The following TLL1 variants were observed in gnomAD, a reference collection of about 807,000 sequenced individuals.
TLL1 encodes tolloid like 1, also known as tolloid-like protein 1.
A neutral mutation model predicts 128.2 loss-of-function variants in TLL1; 49 were observed. That is an observed-to-expected ratio of 0.38 (90% CI 0.30 to 0.48). The LOEUF is 0.48. TLL1 is among the 20% of genes least tolerant of loss of function. The pLI, the probability that TLL1 is intolerant of heterozygous loss-of-function variation, is 0.96. For missense variants in TLL1, 1,123 were observed against 1,242.0 expected (o/e 0.90, Z 1.44); for synonymous variants, 454 against 418.8 (o/e 1.08, Z -1.03).
chr4:166,100,670 T>C, intron 20 of TLL1, 72 bp from the exon 21 acceptor site: 1 of 1,585,006 alleles, frequency 6.3e-7, no homozygotes, highest in Non-Finnish European at 8.7e-7. Flanking sequence ...TTCCCAAACA[T>C]GCGTTACACT....
At chr4:165,975,342 CCCAACCCCTCT>C (rs1396266637) in intron 1 of TLL1, among the ~76,000 whole-genome samples, 1 of 151,982 alleles carries the variant, frequency 6.6e-6, no homozygotes, top group Non-Finnish European at 1.5e-5. Context: ...CCCCACGCCA[CCCAACCCCTCT>C]CCATATTTAT....
chr4:165,971,185 G>C (rs182156230), intron 1 of TLL1, among the ~76,000 whole-genome samples: 67 of 152,280 alleles, frequency 4.4e-4, no homozygotes, highest in African/African-American at 1.4e-3. Flanking sequence ...GGGTTCCCCC[G>C]CTAAGATTAT....
Position 165,985,803 on chromosome 4 carries a change from G to A in TLL1, c.170-3578G>A, listed in dbSNP as rs78901016. The stretch of plus-strand genomic sequence containing the variant: ...GTCTCTGATTAAAAAAATGTTTGTT[G>A]TGCATTAACGGCAAATAACCTTTAG... On this transcript the variant is annotated intron_variant, in intron 1 of 20. Transcript: ENST00000061240. 9.1e-3 allele frequency among the ~76,000 whole-genome samples: 1,377 copies of A among 152,044 alleles called. 29 individuals are homozygous for A. Among genetic ancestry groups the A allele is most frequent in the African/African-American group, 0.031 (1,281 of 41,522 alleles).
rs116112478 is a variant in TLL1 at position 165,969,039 on chromosome 4, G to A, written c.170-20342G>A. On this transcript the variant is annotated intron_variant, in intron 1 of 20. Transcript: ENST00000061240. ...CTTTGCGTTTAGCAAAACCCAAAAC[G>A]TATTTTGAAAACTTCTTTCTCCCTT... 5.5e-3 allele frequency among the ~76,000 whole-genome samples: 836 copies of A among 152,236 alleles called. 7 individuals carry two copies. The highest frequency in any genetic ancestry group is 0.019 in the African/African-American group (804 of 41,580).
chr4:165,921,196 G>C (rs772388759), intron 1 of TLL1, among the ~76,000 whole-genome samples: 2 of 152,144 alleles, frequency 1.3e-5, no homozygotes, highest in Non-Finnish European at 2.9e-5. Flanking sequence ...AAAGTGCCTT[G>C]CTAAGTATAA....
At chr4:165,928,586 C>T (rs894441373) in intron 1 of TLL1, among the ~76,000 whole-genome samples, 10 of 152,230 alleles carry the variant, frequency 6.6e-5, no homozygotes, top group African/African-American at 1.9e-4. Context: ...AAGCTTCTGT[C>T]TGTCTCGAAC....
intron 1 of TLL1, among the ~76,000 whole-genome samples, chr4:165,919,284 G>A (rs1732922559): frequency 6.6e-6 from 1 of 150,460 alleles, no homozygotes; most frequent in Admixed American, 6.7e-5. Flanking sequence ...TTGGGAGGCT[G>A]AAGCAGGAGG....
intron 9 of TLL1, among the ~76,000 whole-genome samples, chr4:166,026,449 G>A (rs1330551608): frequency 6.6e-6 from 1 of 152,192 alleles, no homozygotes; most frequent in African/African-American, 2.4e-5. Flanking sequence ...CACTTTGGGA[G>A]GCTGAGGAGG....
At chr4:165,933,113 CTTTG>C (rs1464669481) in intron 1 of TLL1, among the ~76,000 whole-genome samples, 2 of 152,170 alleles carry the variant, frequency 1.3e-5, no homozygotes, top group Non-Finnish European at 2.9e-5. Flanking sequence ...TTCAAGCCTA[CTTTG>C]TTTGCTGCTG....
At chr4:165,970,631 C>G (rs187819933) in intron 1 of TLL1, among the ~76,000 whole-genome samples, 2 of 151,960 alleles carry the variant, frequency 1.3e-5, no homozygotes, top group African/African-American at 4.8e-5. Flanking sequence ...CTTTTTTAAC[C>G]TATTCAAATT....
intron 8 of TLL1, among the ~76,000 whole-genome samples, chr4:166,016,990 T>A (rs1310956311): frequency 4.0e-5 from 6 of 151,750 alleles, no homozygotes; most frequent in Non-Finnish European, 8.8e-5. Flanking sequence ...TACGTGGGAA[T>A]GTTGTGTGAT....
intron 1 of TLL1, among the ~76,000 whole-genome samples, chr4:165,928,324 G>A (rs1733362208): frequency 6.6e-6 from 1 of 152,086 alleles, no homozygotes. Flanking sequence ...GGAGACGGCA[G>A]GCATGTAAAC....
At chr4:166,052,982 T>TATATATATATATATATATA (rs1553965120) in intron 12 of TLL1, among the ~76,000 whole-genome samples, 6 of 145,430 alleles carry the variant, frequency 4.1e-5, no homozygotes, top group African/African-American at 1.5e-4. Context: ...TATATATATA[T>TATATATATATATATATATA]TTGGCCAAAT....
chr4:166,073,418 T>C (rs1740879300), intron 16 of TLL1, among the ~76,000 whole-genome samples: 1 of 152,202 alleles, frequency 6.6e-6, no homozygotes, highest in Non-Finnish European at 1.5e-5. Flanking sequence ...TCTAATTTTC[T>C]ATTAACTCCT....
At chr4:165,968,351 CTGCT>C (rs1735485082) in intron 1 of TLL1, among the ~76,000 whole-genome samples, 2 of 152,176 alleles carry the variant, frequency 1.3e-5, no homozygotes, top group African/African-American at 2.4e-5. Flanking sequence ...AGTAAACAAA[CTGCT>C]TGTTGTCCAA....
chr4:165,962,565 A>G (rs1735161921), intron 1 of TLL1, among the ~76,000 whole-genome samples: 1 of 152,176 alleles, frequency 6.6e-6, no homozygotes, highest in Admixed American at 6.5e-5. Flanking sequence ...CACTCTTATT[A>G]CTGGGTATAT....
chr4:165,890,472 G>T (rs1731349026), intron 1 of TLL1, among the ~76,000 whole-genome samples: 1 of 152,226 alleles, frequency 6.6e-6, no homozygotes, highest in African/African-American at 2.4e-5. Flanking sequence ...TAAATATGGT[G>T]AGGGCTCAGG....
In TLL1 at chr4:166,096,121, T is replaced by A. The variant is rs549231243; in HGVS notation, c.2657-3156T>A. ...TAGGTTGGTGCAACAGTAATTACAG[T>A]TTAATAAAATCACACCTCTTTTGCA... On this transcript the variant is annotated intron_variant, in intron 19 of 20. Transcript: ENST00000061240. 3.3e-5 allele frequency among the ~76,000 whole-genome samples: 5 copies of A among 152,118 alleles called. No individual in the cohort carries two copies. The South Asian group carries it at 1.0e-3, about 32-fold the overall frequency.
rs1560998943 is a variant in TLL1, at chr4:165,873,935, C to T, written c.31C>T (p.Leu11Phe). 6.2e-7 allele frequency: 1 copy of T among 1,614,134 alleles called. No homozygotes were observed. Among genetic ancestry groups the T allele is most frequent in the Non-Finnish European group, 8.5e-7 (1 of 1,180,014 alleles). The change falls in exon 1 of 21, where the codon CTC (leucine) becomes TTC (phenylalanine). Residue 11 changes from leucine (L) to phenylalanine (F), a missense_variant. By Grantham distance (22) the Leu-to-Phe change is conservative. Coordinates refer to ENST00000061240, the MANE Select transcript of TLL1 (RefSeq NM_012464.5). The part of the protein sequence containing the change: MGLGTLSPRM[L>F]VWLVASGIVF... ...GTTGGGAACGCTTTCCCCGAGGATG[C>T]TCGTGTGGCTGGTGGCCTCGGGGAT...
Sources: gnomAD v4.1 joint callset for allele counts (sites outside exome capture counted in the v4.1 genomes callset) on GRCh38, gnomAD v4.1.1 for gene constraint, MANE v1.5 for transcripts, NCBI Gene and HGNC (gene_info 2026-07-23, HGNC 2026-07-21) for gene names.